Variants in KDM2A observed in about 807,000 individuals in gnomAD.
The protein encoded by KDM2A is lysine demethylase 2A, also known as lysine-specific demethylase 2A.
KDM2A carries 3 observed loss-of-function variants against 137.3 expected under a neutral mutation model. The observed-to-expected ratio is 0.02, with a 90% CI of 0.01 to 0.06. The LOEUF is 0.06. Among genes scored for constraint, KDM2A ranks in the 10% least tolerant of loss-of-function variants. KDM2A has a pLI of 1.00. For missense variants in KDM2A, 738 were observed against 1,510.6 expected, an observed-to-expected ratio of 0.49 and a Z score of 8.48; for synonymous variants, 512 against 541.5, an observed-to-expected ratio of 0.95 and a Z score of 0.76.
chr11:67,255,389 C>T lies in KDM2A; in HGVS notation c.*334C>T. The T allele has an allele frequency of 2.1e-6, 1 of 475,092 alleles. No homozygotes were observed. Among genetic ancestry groups the T allele is most frequent in the Non-Finnish European group, 4.1e-6 (1 of 241,252 alleles). 29.4% of individuals were successfully genotyped at this position (475,092 alleles called of 1,614,324 possible). On this transcript the variant is annotated 3_prime_UTR_variant, in exon 21 of 21. Transcript: ENST00000529006. ...TTGTGCAACCTTCATCTGCACTGGG[C>T]CCTGTGCCCCTCCTCCCCATCCATG...
At chr11:67,206,405 C>A (rs1857806496) in intron 5 of KDM2A, among the ~76,000 whole-genome samples, 1 of 152,094 alleles carries the variant, frequency 6.6e-6, no homozygotes, top group Admixed American at 6.5e-5. Flanking sequence ...TGCACTCCAG[C>A]CTGGGTGACA....
intron 10 of KDM2A, among the ~76,000 whole-genome samples, chr11:67,224,862 A>G (rs1858487679): frequency 1.2e-5 from 1 of 85,146 alleles, no homozygotes; most frequent in Admixed American, 1.7e-4. Context: ...TTTTTTGGAG[A>G]CAGAGTTTCG....
intron 2 of KDM2A, among the ~76,000 whole-genome samples, chr11:67,149,516 A>G (rs1023114136): frequency 2.0e-5 from 3 of 152,062 alleles, no homozygotes; most frequent in African/African-American, 7.2e-5. Flanking sequence ...TAGAAATTAA[A>G]ATTTTACAGA....
chr11:67,242,724 C>G (rs1356028020), intron 12 of KDM2A, among the ~76,000 whole-genome samples: 1 of 152,144 alleles, frequency 6.6e-6, no homozygotes, highest in African/African-American at 2.4e-5. Flanking sequence ...AGGCTGGTCT[C>G]AAACTCCTGG....
At chr11:67,174,214 C>T (rs769845429) in intron 2 of KDM2A, among the ~76,000 whole-genome samples, 3 of 152,036 alleles carry the variant, frequency 2.0e-5, no homozygotes, top group Non-Finnish European at 2.9e-5. Context: ...GCTGAGATTG[C>T]GCCACTGCAC....
In KDM2A at chr11:67,250,187, C is replaced by G. The variant is rs1325699281; in HGVS notation, c.2157C>G (p.Pro719=). 6.2e-6 allele frequency: 10 copies of G among 1,613,894 alleles called. No homozygotes were observed. In the South Asian group the frequency reaches 1.1e-4, roughly 18 times the overall value. The stretch of plus-strand genomic sequence containing the variant: ...CTCTCACGCCCCCGCCTCATTCACC[C>G]ACTTCCATGCTGCAGCTCATCCATG... The part of the protein sequence containing the change: ...DEPLTPPPHS[P]TSMLQLIHDP... The change falls in exon 17 of 21, where the codon CCC becomes CCG. Residue 719 remains proline, a synonymous_variant. Transcript: ENST00000529006. The surrounding 1 kb of genome is among the most constrained non-coding windows in gnomAD (Gnocchi z 7.1).
rs1047295071 is a variant in KDM2A, at chr11:67,255,410, C to T, written c.*355C>T. 1.1e-5 allele frequency: 5 copies of T among 470,622 alleles called. No homozygotes were observed. The Admixed American group carries it at 1.2e-4, about 11-fold the overall frequency. 29.2% of individuals were successfully genotyped at this position (470,622 alleles called of 1,614,324 possible). On this transcript the variant is annotated 3_prime_UTR_variant, in exon 21 of 21. Transcript: ENST00000529006. ...TGGGCCCTGTGCCCCTCCTCCCCAT[C>T]CATGGTCCCCAGCAGTGCCTGGTTC... is the stretch of plus-strand genomic sequence containing the variant.
intron 5 of KDM2A, among the ~76,000 whole-genome samples, chr11:67,199,373 A>G (rs990544482): frequency 6.6e-6 from 1 of 152,240 alleles, no homozygotes; most frequent in African/African-American, 2.4e-5. Context: ...AGGCATGTCA[A>G]AAGCCAAGAT....
At chr11:67,218,855 C>T (rs1858247647) in intron 9 of KDM2A, among the ~76,000 whole-genome samples, 1 of 152,176 alleles carries the variant, frequency 6.6e-6, no homozygotes, top group East Asian at 1.9e-4. Flanking sequence ...GTGATCCACC[C>T]GCCTCAGCCT....
chr11:67,239,416 C>T (rs767342456), intron 12 of KDM2A, among the ~76,000 whole-genome samples: 5 of 152,038 alleles, frequency 3.3e-5, no homozygotes, highest in African/African-American at 4.8e-5. Context: ...TGATGTTAGC[C>T]GTATTTTATT....
Position 67,121,503 on chromosome 11 carries a change from A to C in KDM2A, c.42+145A>C, listed in dbSNP as rs140981702. ...CCAGAGGAGGGGGAAAGGTGTATTA[A>C]TATCGAATTTGGCTTTTGGCCAAAC... is the stretch of plus-strand genomic sequence containing the variant. On this transcript the variant is annotated intron_variant, in intron 2 of 20. Coordinates refer to ENST00000529006, the MANE Select transcript of KDM2A (RefSeq NM_012308.3). 1,935 of 686,276 alleles carry C rather than the reference A, an allele frequency of 2.8e-3. 33 individuals carry two copies. In the African/African-American group the frequency reaches 0.032, roughly 11 times the overall value. The allele number at this position is 686,276 out of a possible 1,614,324, so 42.5% of individuals were successfully genotyped here.
intron 6 of KDM2A, among the ~76,000 whole-genome samples, 197 bp from the exon 7 acceptor site, chr11:67,215,143 A>G (rs1344459899): frequency 6.6e-6 from 1 of 152,162 alleles, no homozygotes; most frequent in Non-Finnish European, 1.5e-5. Flanking sequence ...ATTAATCTTT[A>G]TTCTCATATA....
chr11:67,217,287 T>A (rs1236907545), intron 8 of KDM2A, among the ~76,000 whole-genome samples: 1 of 150,450 alleles, frequency 6.6e-6, no homozygotes. Context: ...CAACTATGTC[T>A]CCAAATCCAA....
chr11:67,170,573 G>A (rs892020286), intron 2 of KDM2A, among the ~76,000 whole-genome samples: 2 of 151,536 alleles, frequency 1.3e-5, no homozygotes, highest in African/African-American at 4.8e-5. Context: ...CTACCACACC[G>A]GGCTAATATT....
chr11:67,175,735 AC>A (rs2136330340), intron 2 of KDM2A, among the ~76,000 whole-genome samples: 1 of 152,312 alleles, frequency 6.6e-6, no homozygotes, highest in African/African-American at 2.4e-5. Flanking sequence ...GTTATGGTAG[AC>A]CTAATAAAAA....
chr11:67,196,865 TTA>T (rs547379878), intron 5 of KDM2A: 1 of 158,660 alleles, frequency 6.3e-6, no homozygotes, highest in East Asian at 1.9e-4. Flanking sequence ...ATAGAACATT[TTA>T]TGTTTTTTGT....
chr11:67,251,103 C>T (rs752799295), intron 17 of KDM2A, among the ~76,000 whole-genome samples: 4 of 152,020 alleles, frequency 2.6e-5, no homozygotes, highest in African/African-American at 2.4e-5. Context: ...GAGAGTCTTG[C>T]GGGCTGAAAA....
chr11:67,145,976 GTTTT>G (rs1349541986), intron 2 of KDM2A, among the ~76,000 whole-genome samples: 1 of 141,716 alleles, frequency 7.1e-6, no homozygotes, highest in Non-Finnish European at 1.5e-5. Flanking sequence ...TGTTCTTCCC[GTTTT>G]TTGTTTTGTT....
intron 5 of KDM2A, among the ~76,000 whole-genome samples, chr11:67,194,042 T>A (rs1857422131): frequency 6.6e-6 from 1 of 152,248 alleles, no homozygotes; most frequent in African/African-American, 2.4e-5. Context: ...CAAAGTTATT[T>A]TTAAAATTTA....
Sources: gnomAD v4.1 joint callset for allele counts (sites outside exome capture counted in the v4.1 genomes callset) on GRCh38, gnomAD v4.1.1 for gene constraint, Gnocchi (gnomAD v3.1) non-coding constraint, MANE v1.5 for transcripts, NCBI Gene and HGNC (gene_info 2026-07-23, HGNC 2026-07-21) for gene names.